Variants in LARGE1 observed in about 807,000 individuals in gnomAD.
LARGE1 encodes xylosyl- and glucuronyltransferase LARGE1.
LARGE1 carries 43 observed loss-of-function variants against 87.6 expected under a neutral mutation model. The observed-to-expected ratio is 0.49, with a 90% CI of 0.38 to 0.63. The LOEUF (loss-of-function observed/expected upper bound fraction) is 0.63. LARGE1 is among the 30% of genes least tolerant of loss of function. The pLI is 0.00. For missense variants in LARGE1, 802 were observed against 1,000.2 expected (o/e 0.80, Z 2.67); for synonymous variants, 434 against 394.6 (o/e 1.10, Z -1.18).
At chr22:33,417,120 T>C (rs1277052299) in intron 7 of LARGE1, among the ~76,000 whole-genome samples, 1 of 152,042 alleles carries the variant, frequency 6.6e-6, no homozygotes, top group Non-Finnish European at 1.5e-5. Flanking sequence ...TTGGCCAGGA[T>C]GCTCTCTATC....
At chr22:33,451,200 G>A (rs948448539) in intron 6 of LARGE1, among the ~76,000 whole-genome samples, 17 of 152,008 alleles carry the variant, frequency 1.1e-4, no homozygotes, top group Admixed American at 9.8e-4. Context: ...TTCCGATGGA[G>A]GCATCCAAGT....
At chr22:33,563,479 A>T (rs1171553315) in intron 6 of LARGE1, among the ~76,000 whole-genome samples, 1 of 152,218 alleles carries the variant, frequency 6.6e-6, no homozygotes, top group Non-Finnish European at 1.5e-5. Context: ...TAAGAAAATG[A>T]ATAAAACACC....
chr22:33,439,819 C>T (rs2067404767), intron 6 of LARGE1, among the ~76,000 whole-genome samples: 1 of 152,104 alleles, frequency 6.6e-6, no homozygotes, highest in Non-Finnish European at 1.5e-5. Context: ...AGGTGTGACC[C>T]CTACCTGTTT....
At chr22:33,574,910 T>C (rs1045295897) in intron 5 of LARGE1, among the ~76,000 whole-genome samples, 1 of 152,160 alleles carries the variant, frequency 6.6e-6, no homozygotes, top group African/African-American at 2.4e-5. Context: ...AGGGGTTTCA[T>C]GAGCTAAGAG....
intron 9 of LARGE1, among the ~76,000 whole-genome samples, chr22:33,375,548 T>A (rs942542237): frequency 6.6e-6 from 1 of 152,146 alleles, no homozygotes; most frequent in Non-Finnish European, 1.5e-5. Context: ...ATTGGTTATA[T>A]CATCAAGGCT....
chr22:33,074,916 TA>T, the LARGE1 span, among the ~76,000 whole-genome samples: 1 of 152,190 alleles, frequency 6.6e-6, no homozygotes, highest in African/African-American at 2.4e-5. Context: ...TTACACATGT[TA>T]ACATTTAAAA....
At chr22:33,366,053 G>C (rs976496666) in intron 9 of LARGE1, among the ~76,000 whole-genome samples, 1 of 152,194 alleles carries the variant, frequency 6.6e-6, no homozygotes, top group Non-Finnish European at 1.5e-5. Flanking sequence ...CTTAAGGCCA[G>C]TTTCCCTTTT....
chr22:33,759,713 CT>C (rs965322909), intron 2 of LARGE1, among the ~76,000 whole-genome samples: 46 of 152,282 alleles, frequency 3.0e-4, no homozygotes, highest in African/African-American at 9.9e-4. Flanking sequence ...TAAACCTATA[CT>C]AGCACGGGTG....
chr22:33,722,556 C>T (rs911379664), intron 2 of LARGE1, among the ~76,000 whole-genome samples: 6 of 152,046 alleles, frequency 3.9e-5, no homozygotes, highest in Non-Finnish European at 4.4e-5. Flanking sequence ...TGCATGGAAC[C>T]GAGCTGCACA....
At chr22:33,292,275 C>T (rs1352151049) in intron 12 of LARGE1, among the ~76,000 whole-genome samples, 3 of 152,182 alleles carry the variant, frequency 2.0e-5, no homozygotes, top group Non-Finnish European at 2.9e-5. Flanking sequence ...CACCACAAAA[C>T]GAACTAGGAC....
chr22:33,573,886 C>CA (rs1402843876), intron 5 of LARGE1, among the ~76,000 whole-genome samples: 5 of 152,038 alleles, frequency 3.3e-5, no homozygotes, highest in Non-Finnish European at 2.9e-5. Flanking sequence ...TAAGAAGGCT[C>CA]ACGTTTTTGC....
chr22:33,451,613 C>T (rs970160736), intron 6 of LARGE1, among the ~76,000 whole-genome samples: 1 of 150,120 alleles, frequency 6.7e-6, no homozygotes, highest in Admixed American at 6.7e-5. Flanking sequence ...GGCTGGAGTG[C>T]AGTGGCATGA....
intron 9 of LARGE1, among the ~76,000 whole-genome samples, chr22:33,353,974 A>G (rs1940650935): frequency 6.6e-6 from 1 of 152,250 alleles, no homozygotes; most frequent in South Asian, 2.1e-4. Context: ...CAATTGTACA[A>G]TACTTTCTAA....
At chr22:33,289,382 CTCCT>C in intron 12 of LARGE1, among the ~76,000 whole-genome samples, 1 of 152,356 alleles carries the variant, frequency 6.6e-6, no homozygotes, top group East Asian at 1.9e-4. Flanking sequence ...GCTCCTCTCT[CTCCT>C]GACTTCAGGC....
the LARGE1 span, among the ~76,000 whole-genome samples, chr22:33,111,218 A>G: frequency 6.6e-6 from 1 of 152,056 alleles, no homozygotes; most frequent in East Asian, 1.9e-4. Context: ...GGTGGTAAGA[A>G]TCCTCTGAAG....
chr22:33,297,514 G>A (rs11913736), intron 12 of LARGE1, among the ~76,000 whole-genome samples: 2 of 151,642 alleles, frequency 1.3e-5, no homozygotes, highest in African/African-American at 4.8e-5. Flanking sequence ...TTGGGAGGCT[G>A]AGGCAGGACA....
rs977194939 is a variant in LARGE1 at position 33,273,803 on chromosome 22, C to G, written c.*624G>C. 6 of 395,472 alleles carry G rather than the reference C, an allele frequency of 1.5e-5. No individual in the cohort carries two copies. Among genetic ancestry groups the G allele is most frequent in the African/African-American group, 1.1e-4 (5 of 47,188 alleles). 24.5% of individuals were successfully genotyped at this position (395,472 alleles called of 1,614,324 possible). A position where few individuals can be genotyped will look rare whatever the true frequency, so the allele number is the denominator to read the frequency against. On this transcript the variant is annotated 3_prime_UTR_variant, in exon 15 of 15. Transcript: ENST00000397394. The stretch of plus-strand genomic sequence containing the variant: ...TGCCAGCCCCAAAAATAAACAAAAC[C>G]CCCAAAGAAAAACAAAACAAAACAG...
At chr22:33,161,693 A>G (rs1488768049), downstream of LARGE1, among the ~76,000 whole-genome samples, 1 of 152,194 alleles carries the variant, frequency 6.6e-6, no homozygotes, top group Non-Finnish European at 1.5e-5. Flanking sequence ...GGTCATGCTG[A>G]TGCAAGAGGT....
chr22:33,158,343 G>A (rs1362115070), downstream of LARGE1, among the ~76,000 whole-genome samples: 1 of 152,078 alleles, frequency 6.6e-6, no homozygotes, highest in Non-Finnish European at 1.5e-5. Flanking sequence ...TGCAAAAGAA[G>A]GCAGTAAGAG....
Sources: allele counts gnomAD v4.1 joint callset (sites outside exome capture counted in the v4.1 genomes callset), GRCh38; gene constraint gnomAD v4.1.1; transcripts MANE v1.5; gene names NCBI Gene and HGNC (gene_info 2026-07-23, HGNC 2026-07-21).